Variants in PBX3 observed in about 807,000 individuals in gnomAD.
PBX3 encodes the protein pre-B-cell leukemia transcription factor 3.
In PBX3, 14 loss-of-function variants were observed where a neutral mutation model predicts 48.5. The observed-to-expected ratio is 0.29, with a 90% CI of 0.19 to 0.45. The LOEUF (loss-of-function observed/expected upper bound fraction) is 0.45, where lower values mean the gene tolerates loss of function less well. Among genes scored for constraint, PBX3 ranks in the 20% least tolerant of loss-of-function variants. The probability of loss-of-function intolerance (pLI) is 1.00; values close to 1 mark genes in which losing one functional copy is unlikely to be tolerated. For missense variants in PBX3, 386 were observed against 546.7 expected (o/e 0.71, Z 2.93); for synonymous variants, 210 against 200.3 (o/e 1.05, Z -0.41).
intron 2 of PBX3, among the ~76,000 whole-genome samples, chr9:125,812,807 T>G (rs921888089): frequency 6.6e-6 from 1 of 152,250 alleles, no homozygotes. Flanking sequence ...CAGCATGTTA[T>G]GTGCTGAATA....
At chr9:125,793,039 G>T (rs541465240) in intron 2 of PBX3, among the ~76,000 whole-genome samples, 3 of 151,584 alleles carry the variant, frequency 2.0e-5, no homozygotes, top group Non-Finnish European at 4.4e-5. Context: ...TATTTAAAAT[G>T]TACAATTTGA....
intron 2 of PBX3, among the ~76,000 whole-genome samples, chr9:125,894,951 TA>T (rs1376940849): frequency 1.3e-5 from 2 of 152,120 alleles, no homozygotes; most frequent in African/African-American, 4.8e-5. Flanking sequence ...ACAAGGGTAG[TA>T]AAAAATCTCT....
At chr9:125,892,676 A>T (rs1049581210) in intron 2 of PBX3, among the ~76,000 whole-genome samples, 2 of 152,302 alleles carry the variant, frequency 1.3e-5, no homozygotes, top group Middle Eastern at 6.8e-3. Flanking sequence ...TTTCATCCCC[A>T]ATCTGTGTTA....
At chr9:125,938,686 G>A (rs900579734) in intron 5 of PBX3, among the ~76,000 whole-genome samples, 2 of 152,100 alleles carry the variant, frequency 1.3e-5, no homozygotes, top group Admixed American at 6.5e-5. Context: ...CTTTAAAAAC[G>A]TCCAAGAAAG....
chr9:125,843,689 G>A, intron 2 of PBX3: 1 of 365,272 alleles, frequency 2.7e-6, no homozygotes, highest in Admixed American at 2.9e-5. Context: ...ATAAGTAATG[G>A]AATTCCGTCT....
intron 2 of PBX3, among the ~76,000 whole-genome samples, chr9:125,818,960 C>T (rs1003435399): frequency 5.3e-5 from 8 of 151,788 alleles, no homozygotes; most frequent in Admixed American, 2.6e-4. Context: ...CTCAACCTCC[C>T]GAGTAGCTGG....
intron 2 of PBX3, among the ~76,000 whole-genome samples, chr9:125,854,911 A>G (rs1398172875): frequency 3.3e-5 from 5 of 152,232 alleles, no homozygotes; most frequent in Non-Finnish European, 5.9e-5. Context: ...ATTATAAAAA[A>G]TGTAGATAAT....
chr9:125,827,147 A>G (rs982313141), intron 2 of PBX3, among the ~76,000 whole-genome samples: 2 of 152,136 alleles, frequency 1.3e-5, no homozygotes, highest in Non-Finnish European at 2.9e-5. Flanking sequence ...ATAACTTTTA[A>G]CCCAATAAAA....
At chr9:125,908,059 A>G (rs1841117497) in intron 2 of PBX3, among the ~76,000 whole-genome samples, 1 of 152,178 alleles carries the variant, frequency 6.6e-6, no homozygotes, top group African/African-American at 2.4e-5. Context: ...TAATAGAATG[A>G]TTCCAAGTAC....
At chr9:125,793,366 A>AAAAATATATAT (rs59271982) in intron 2 of PBX3, among the ~76,000 whole-genome samples, 19 of 101,940 alleles carry the variant, frequency 1.9e-4, no homozygotes, top group Non-Finnish European at 2.9e-4. Context: ...GGAAAAAAAA[A>AAAAATATATAT]ATATATATAT....
rs539945914 is a variant in PBX3, at chr9:125,930,664, AAG to A, written c.707+820_707+821del. Among the ~76,000 whole-genome samples the A allele has an allele frequency of 2.3e-3, 355 of 152,326 alleles. 3 individuals carry two copies. The highest frequency in any genetic ancestry group is 8.3e-3 in the African/African-American group (345 of 41,576). On this transcript the variant is annotated intron_variant, in intron 4 of 8. Coordinates refer to ENST00000373489, the MANE Select transcript of PBX3 (RefSeq NM_006195.6). ...AAGATAGCTTCTCAACTGGAAAACA[AAG>A]TGTGTGGAGCATTTTCAGTGTTTTT...
chr9:125,807,496 T>C (rs1026803153), intron 2 of PBX3, among the ~76,000 whole-genome samples: 5 of 152,150 alleles, frequency 3.3e-5, no homozygotes, highest in African/African-American at 1.2e-4. Flanking sequence ...TGAATTCAGA[T>C]TGTGATTTGA....
chr9:125,815,326 T>C (rs1429809832), intron 2 of PBX3, among the ~76,000 whole-genome samples: 1 of 152,208 alleles, frequency 6.6e-6, no homozygotes, highest in East Asian at 1.9e-4. Flanking sequence ...CATCTTTCTC[T>C]TTTTTGTTTT....
At chr9:125,956,833 A>G (rs1842320413) in intron 5 of PBX3, among the ~76,000 whole-genome samples, 1 of 152,108 alleles carries the variant, frequency 6.6e-6, no homozygotes, top group African/African-American at 2.4e-5. Context: ...TTCTGGGACC[A>G]CTGTACAGAC....
chr9:125,862,777 C>CTT (rs1174806942), intron 2 of PBX3, among the ~76,000 whole-genome samples: 6 of 152,132 alleles, frequency 3.9e-5, no homozygotes, highest in African/African-American at 1.4e-4. Flanking sequence ...ATTGAGAACT[C>CTT]TGAGTCAATA....
intron 2 of PBX3, among the ~76,000 whole-genome samples, chr9:125,842,570 A>G (rs929017749): frequency 6.6e-6 from 1 of 152,118 alleles, no homozygotes; most frequent in Non-Finnish European, 1.5e-5. Flanking sequence ...GCTTAATGGC[A>G]TTCATTAGTA....
intron 6 of PBX3, 98 bp downstream of exon 6, chr9:125,960,947 A>ACTCT (rs879631386): frequency 0.66 from 812,229 of 1,225,768 alleles, 276,322 homozygotes; most frequent in South Asian, 0.73. Context: ...CTGAGGACAG[A>ACTCT]GTGGACTTAA....
At chr9:125,904,239 C>T (rs1841017630) in intron 2 of PBX3, among the ~76,000 whole-genome samples, 1 of 151,742 alleles carries the variant, frequency 6.6e-6, no homozygotes, top group South Asian at 2.1e-4. Context: ...TTTTATTACT[C>T]CAGTGTTGTT....
intron 7 of PBX3, 83 bp from the exon 8 acceptor site, chr9:125,962,929 A>C (rs1412133784): frequency 3.2e-6 from 2 of 622,810 alleles, no homozygotes; most frequent in East Asian, 5.8e-5. Context: ...CTTGTGGCAC[A>C]CATAATTCAA....
Sources: allele counts gnomAD v4.1 joint callset (sites outside exome capture counted in the v4.1 genomes callset), GRCh38; gene constraint gnomAD v4.1.1; transcripts MANE v1.5; gene names NCBI Gene and HGNC (gene_info 2026-07-23, HGNC 2026-07-21).